The following ASCC1 variants were observed in gnomAD, a reference collection of about 807,000 sequenced individuals.
ASCC1 encodes the protein activating signal cointegrator 1 complex subunit 1.
In ASCC1, 35 loss-of-function variants were observed where a neutral mutation model predicts 46.6. That is an observed-to-expected ratio of 0.75 (90% CI 0.57 to 0.99). The LOEUF (loss-of-function observed/expected upper bound fraction) is 0.99. Among genes scored for constraint, ASCC1 ranks in the 50% least tolerant of loss-of-function variants. The pLI is 0.00. For missense variants in ASCC1, 376 were observed against 428.7 expected (o/e 0.88, Z 1.09); for synonymous variants, 143 against 146.6 (o/e 0.98, Z 0.18).
chr10:72,100,263 C>G (rs1337230389), intron 9 of ASCC1, among the ~76,000 whole-genome samples: 2 of 150,436 alleles, frequency 1.3e-5, no homozygotes, highest in African/African-American at 4.9e-5. Context: ...CTCTCTCTCT[C>G]TGTCACCCCG....
intron 9 of ASCC1, among the ~76,000 whole-genome samples, chr10:72,118,298 C>T (rs111285507): frequency 0.042 from 6,316 of 149,766 alleles, 459 homozygotes; most frequent in African/African-American, 0.15. Flanking sequence ...ACCCGGGAGG[C>T]AGAGCTTGCA....
chr10:72,158,708 C>T (rs866196644), intron 6 of ASCC1, among the ~76,000 whole-genome samples: 9 of 152,204 alleles, frequency 5.9e-5, no homozygotes, highest in Non-Finnish European at 1.2e-4. Flanking sequence ...AACATAGCCA[C>T]ATTTATTTCA....
chr10:72,193,029 C>T (rs569490309), intron 5 of ASCC1, among the ~76,000 whole-genome samples: 2 of 152,266 alleles, frequency 1.3e-5, no homozygotes, highest in Non-Finnish European at 2.9e-5. Context: ...TCATAAATTG[C>T]TGTTGGGAAT....
At chr10:72,204,841 C>G (rs1856974859) in intron 3 of ASCC1, among the ~76,000 whole-genome samples, 1 of 152,104 alleles carries the variant, frequency 6.6e-6, no homozygotes, top group African/African-American at 2.4e-5. Flanking sequence ...TCTTTGTTTT[C>G]CCACCTTACC....
intron 5 of ASCC1, among the ~76,000 whole-genome samples, chr10:72,166,964 C>T (rs11000199): frequency 0.13 from 20,008 of 150,832 alleles, 4,160 homozygotes; most frequent in African/African-American, 0.44. Flanking sequence ...ATGGAAAAAC[C>T]GAGCAGCCAC....
chr10:72,165,618 AGTTGACTCTTC>A (rs1201937814), intron 5 of ASCC1, among the ~76,000 whole-genome samples: 2 of 152,248 alleles, frequency 1.3e-5, no homozygotes, highest in African/African-American at 4.8e-5. Flanking sequence ...AACAGTAGTT[AGTTGACTCTTC>A]GTTTTCTAAG....
At chr10:72,115,966 C>T (rs1299021426) in intron 9 of ASCC1, among the ~76,000 whole-genome samples, 1 of 152,108 alleles carries the variant, frequency 6.6e-6, no homozygotes, top group Non-Finnish European at 1.5e-5. Flanking sequence ...TCAAATGGCC[C>T]AATTTATGTG....
At position 72,152,855 on chromosome 10, in the gene ASCC1, T is replaced by C; in HGVS notation, c.746+14A>G. 6.2e-7 allele frequency: 1 copy of C among 1,614,044 alleles called. No homozygotes were observed. The highest frequency in any genetic ancestry group is 8.5e-7 in the Non-Finnish European group (1 of 1,179,972). On this transcript the variant is annotated intron_variant, in intron 7 of 9. Transcript: ENST00000672957. ...ACCTCTTGATTGAAACAAAGAAGCA[T>C]TCCAGAAATATACCTGTTGGAGCCA...
intron 7 of ASCC1, among the ~76,000 whole-genome samples, chr10:72,141,427 A>G (rs185534311): frequency 3.3e-5 from 5 of 152,260 alleles, no homozygotes; most frequent in Admixed American, 2.6e-4. Flanking sequence ...GCCAGTATTT[A>G]CTGTTATATA....
intron 5 of ASCC1, among the ~76,000 whole-genome samples, chr10:72,165,699 A>G (rs1036579581): frequency 5.9e-5 from 9 of 152,210 alleles, no homozygotes; most frequent in Admixed American, 5.9e-4. Context: ...TCCACACATC[A>G]ACCCAAATTG....
intron 7 of ASCC1, among the ~76,000 whole-genome samples, chr10:72,144,225 T>C (rs1847377663): frequency 6.6e-6 from 1 of 152,136 alleles, no homozygotes; most frequent in Admixed American, 6.5e-5. Flanking sequence ...TCCACCCGCC[T>C]CGGCCTCCCA....
intron 4 of ASCC1, among the ~76,000 whole-genome samples, chr10:72,201,714 G>A (rs1355644066): frequency 6.6e-6 from 1 of 152,172 alleles, no homozygotes; most frequent in Non-Finnish European, 1.5e-5. Context: ...AAGGCAGGCA[G>A]ATCGCTTGAG....
At chr10:72,155,744 TAAAG>T (rs1848882587) in intron 6 of ASCC1, among the ~76,000 whole-genome samples, 1 of 152,180 alleles carries the variant, frequency 6.6e-6, no homozygotes, top group South Asian at 2.1e-4. Flanking sequence ...GACCCCTTAA[TAAAG>T]AAACTTGTAC....
chr10:72,210,158 CTTTTTTT>C (rs766972971), intron 3 of ASCC1, among the ~76,000 whole-genome samples: 1 of 131,768 alleles, frequency 7.6e-6, no homozygotes, highest in African/African-American at 2.9e-5. Flanking sequence ...AACCTCTTTT[CTTTTTTT>C]TTTTTTTTTT....
rs1017063611 is a variant in ASCC1 at position 72,116,555 on chromosome 10, G to C, written c.957+11527C>G. ...GTTAGATCTTCTCACTTACTATCCT[G>C]AACGTTTTGTTCTCTTTCTGTAATT... On this transcript the variant is annotated intron_variant, in intron 9 of 9. Transcript: ENST00000672957. Among the ~76,000 whole-genome samples, 9 of 152,096 alleles carry C rather than the reference G, an allele frequency of 5.9e-5. No homozygotes were observed. In the South Asian group the frequency reaches 8.3e-4, roughly 14 times the overall value.
intron 6 of ASCC1, among the ~76,000 whole-genome samples, chr10:72,160,416 TA>T (rs925517293): frequency 2.6e-5 from 4 of 152,148 alleles, no homozygotes; most frequent in African/African-American, 7.2e-5. Flanking sequence ...TAAAGGGAAA[TA>T]GGGGAAGATA....
intron 5 of ASCC1, among the ~76,000 whole-genome samples, chr10:72,171,828 T>TTG (rs1851127099): frequency 6.6e-6 from 1 of 152,244 alleles, no homozygotes; most frequent in Non-Finnish European, 1.5e-5. Context: ...GTGAATATCT[T>TTG]TGGAGGGCCA....
At chr10:72,171,857 G>GC (rs1476240662) in intron 5 of ASCC1, among the ~76,000 whole-genome samples, 12 of 152,180 alleles carry the variant, frequency 7.9e-5, no homozygotes, top group Non-Finnish European at 1.6e-4. Context: ...CCTGTCACAT[G>GC]CCCCCTTCCC....
chr10:72,132,380 T>C (rs1017270899), intron 8 of ASCC1, among the ~76,000 whole-genome samples: 4 of 152,202 alleles, frequency 2.6e-5, no homozygotes, highest in Admixed American at 1.3e-4. Context: ...AAACTTCTTT[T>C]TGAAATAAAC....
Sources: allele counts gnomAD v4.1 joint callset (sites outside exome capture counted in the v4.1 genomes callset), GRCh38; gene constraint gnomAD v4.1.1; transcripts MANE v1.5; gene names NCBI Gene and HGNC (gene_info 2026-07-23, HGNC 2026-07-21).